The following RGS20 variants were observed in gnomAD, a reference collection of about 807,000 sequenced individuals.
RGS20 encodes regulator of G protein signaling 20, also known as gz-selective GTPase-activating protein.
Under a neutral mutation model 33.6 loss-of-function variants are expected in RGS20, and 30 were observed. The observed-to-expected ratio is 0.89, with a 90% CI of 0.67 to 1.21. The LOEUF is 1.21. RGS20 is among the 50% of genes most tolerant of loss of function. RGS20 has a pLI of 0.00. For synonymous variants in RGS20, 208 were observed against 197.9 expected, an observed-to-expected ratio of 1.05 and a Z score of -0.43; for missense variants, 472 against 502.4, an observed-to-expected ratio of 0.94 and a Z score of 0.58.
chr8:53,866,481 A>C (rs930440945), intron 1 of RGS20, among the ~76,000 whole-genome samples: 1 of 151,966 alleles, frequency 6.6e-6, no homozygotes, highest in African/African-American at 2.4e-5. Flanking sequence ...GGTTCAAGCA[A>C]TTCTCCTGCC....
At chr8:53,913,088 C>T (rs549761282) in intron 2 of RGS20, among the ~76,000 whole-genome samples, 1 of 152,106 alleles carries the variant, frequency 6.6e-6, no homozygotes, top group East Asian at 1.9e-4. Flanking sequence ...GCCTCGGCCT[C>T]CCAAGTAGCT....
intron 1 of RGS20, among the ~76,000 whole-genome samples, chr8:53,873,462 C>A (rs564869528): frequency 1.2e-4 from 18 of 152,306 alleles, no homozygotes; most frequent in African/African-American, 4.3e-4. Flanking sequence ...CTATTCTTGG[C>A]ACCTCATATA....
intron 4 of RGS20, among the ~76,000 whole-genome samples, chr8:53,947,848 A>ATACATTTATATATGCTATATATAAGATG (rs1814561036): frequency 9.2e-6 from 1 of 109,022 alleles, no homozygotes; most frequent in South Asian, 2.9e-4. Context: ...TATATAGGAT[A>ATACATTTATATATGCTATATATAAGATG]TAGTATATAC....
At chr8:53,950,953 T>C (rs367944784) in intron 4 of RGS20, among the ~76,000 whole-genome samples, 2 of 152,116 alleles carry the variant, frequency 1.3e-5, no homozygotes, top group East Asian at 3.8e-4. Context: ...GTAAACAAAA[T>C]AGACTTTAAA....
intron 2 of RGS20, among the ~76,000 whole-genome samples, chr8:53,915,144 C>CAA (rs34526937): frequency 2.3e-3 from 331 of 145,378 alleles, no homozygotes; most frequent in African/African-American, 6.4e-3. Flanking sequence ...GGCTCTGTCT[C>CAA]AAAAAAAAAA....
chr8:53,948,429 A>T (rs1417792650), intron 4 of RGS20, among the ~76,000 whole-genome samples: 6 of 138,522 alleles, frequency 4.3e-5, no homozygotes, highest in African/African-American at 1.6e-4. Context: ...GCTATATATA[A>T]GATACAGTAT....
intron 4 of RGS20, among the ~76,000 whole-genome samples, chr8:53,947,491 C>CTA (rs1334787102): frequency 4.9e-5 from 6 of 121,394 alleles, no homozygotes; most frequent in Admixed American, 8.6e-5. Context: ...TTTATATATG[C>CTA]TATATAGGAT....
intron 1 of RGS20, among the ~76,000 whole-genome samples, chr8:53,865,292 T>C (rs996504630): frequency 2.6e-5 from 4 of 152,224 alleles, no homozygotes; most frequent in Admixed American, 2.0e-4. Context: ...TCTCTGAACA[T>C]CCATTTTAAC....
At position 53,947,284 on chromosome 8, in the gene RGS20, A is replaced by T. The variant is rs191020385; in HGVS notation, c.743+536A>T. Among the ~76,000 whole-genome samples, 810 of 137,834 alleles carry T rather than the reference A, an allele frequency of 5.9e-3. 6 individuals are homozygous for T. Among genetic ancestry groups the T allele is most frequent in the African/African-American group, 0.02 (717 of 35,286 alleles). 90.4% of individuals were successfully genotyped at this position (137,834 alleles called of 152,430 possible). ...ACATGCTATATAAGATATAGCATATATATTTATACATGCTATATAAGATAT... is the reference window on the plus strand; with the variant it reads ...ACATGCTATATAAGATATAGCATATTTATTTATACATGCTATATAAGATAT... On this transcript the variant is annotated intron_variant, in intron 4 of 5. Transcript: ENST00000297313.
chr8:53,894,276 G>C (rs766050720), intron 2 of RGS20, among the ~76,000 whole-genome samples: 2 of 152,104 alleles, frequency 1.3e-5, no homozygotes, highest in Non-Finnish European at 2.9e-5. Flanking sequence ...TTCAATTTTA[G>C]ATCTGTTTGT....
At position 53,958,275 on chromosome 8, in the gene RGS20, C is replaced by T. The variant is rs368464649; in HGVS notation, c.984C>T (p.Ser328=). Residue 328 remains serine (S), a synonymous_variant, in exon 6 of 6, where the codon AGC becomes AGT. Coordinates refer to ENST00000297313, the MANE Select transcript of RGS20 (RefSeq NM_170587.4). ...CTACTCGTTTCTGTCGACAGGTGAG[C>T]TTAGACTCCCGGGTGAGAGAAGTGA... 86 of 1,607,588 alleles carry T rather than the reference C, an allele frequency of 5.3e-5. No homozygotes were observed. The highest frequency in any genetic ancestry group is 2.5e-4 in the South Asian group (23 of 90,208).
chr8:53,857,100 G>C (rs1334029343), intron 1 of RGS20, among the ~76,000 whole-genome samples: 1 of 152,208 alleles, frequency 6.6e-6, no homozygotes, highest in East Asian at 1.9e-4. Context: ...TCACTGAGAA[G>C]AATAAAGTTG....
chr8:53,939,855 T>C (rs1191670602), intron 3 of RGS20, 131 bp downstream of exon 2: 24 of 1,058,052 alleles, frequency 2.3e-5, no homozygotes, highest in Non-Finnish European at 2.9e-5. Context: ...AAGCAACTAC[T>C]ATATGCCTGA....
chr8:53,885,197 A>G (rs1354763195), intron 2 of RGS20, among the ~76,000 whole-genome samples: 1 of 152,238 alleles, frequency 6.6e-6, no homozygotes, highest in Admixed American at 6.5e-5. Context: ...GGCATTAAGT[A>G]TTAATTCCTG....
chr8:53,889,074 T>C (rs1812627460), intron 2 of RGS20, among the ~76,000 whole-genome samples: 1 of 152,180 alleles, frequency 6.6e-6, no homozygotes, highest in Non-Finnish European at 1.5e-5. Flanking sequence ...AGGATAAAAA[T>C]TGTTGGGTAA....
At chr8:53,941,795 T>C (rs541098916) in intron 3 of RGS20, among the ~76,000 whole-genome samples, 12 of 152,278 alleles carry the variant, frequency 7.9e-5, no homozygotes, top group African/African-American at 2.9e-4. Flanking sequence ...TACTTGGTAT[T>C]TGGGTACCAA....
intron 2 of RGS20, chr8:53,879,628 C>T (rs1483192672): frequency 7.0e-7 from 1 of 1,433,338 alleles, no homozygotes; most frequent in Admixed American, 3.0e-5. Context: ...TCCACTACGC[C>T]CCACACCCAG....
intron 2 of RGS20, among the ~76,000 whole-genome samples, chr8:53,890,402 C>A (rs1316488701): frequency 1.3e-5 from 2 of 152,160 alleles, no homozygotes; most frequent in Non-Finnish European, 2.9e-5. Flanking sequence ...ATGAGATCAT[C>A]TGTGTGCCTG....
intron 2 of RGS20, among the ~76,000 whole-genome samples, chr8:53,902,816 C>T (rs534328445): frequency 6.6e-6 from 1 of 152,180 alleles, no homozygotes; most frequent in Non-Finnish European, 1.5e-5. Context: ...ACCTCTGCCT[C>T]CCGGATTCAA....
Sources: allele counts gnomAD v4.1 joint callset (sites outside exome capture counted in the v4.1 genomes callset), GRCh38; gene constraint gnomAD v4.1.1; transcripts MANE v1.5; gene names NCBI Gene and HGNC (gene_info 2026-07-23, HGNC 2026-07-21).